The following AK2 variants were observed in gnomAD, a reference collection of about 807,000 sequenced individuals.
AK2 encodes the protein adenylate kinase 2, mitochondrial.
AK2 carries 15 observed loss-of-function variants against 24.6 expected under a neutral mutation model. The ratio of observed to expected loss-of-function variants is 0.61; its 90% CI spans 0.41 to 0.94. The LOEUF (loss-of-function observed/expected upper bound fraction) is 0.94. Ranked by LOEUF, AK2 falls within the 40% of genes least tolerant of loss-of-function variation. AK2 has a pLI of 0.00. For synonymous variants in AK2, 102 were observed against 114.0 expected (o/e 0.90, Z 0.67); for missense variants, 257 against 304.1 (o/e 0.85, Z 1.15).
chr1:33,026,355 G>A (rs1246968837), intron 1 of AK2, among the ~76,000 whole-genome samples: 6 of 152,160 alleles, frequency 3.9e-5, no homozygotes, highest in Admixed American at 3.9e-4. Context: ...CAAGCCACGT[G>A]CCTGGCTAAT....
intron 1 of AK2, among the ~76,000 whole-genome samples, chr1:33,034,051 T>G (rs1249368387): frequency 6.6e-6 from 1 of 152,190 alleles, no homozygotes; most frequent in Non-Finnish European, 1.5e-5. Flanking sequence ...TTTTTGCATT[T>G]TTTTGTAGAG....
intron 4 of AK2, among the ~76,000 whole-genome samples, chr1:33,018,442 A>AC (rs1465004361): frequency 6.6e-6 from 1 of 151,992 alleles, no homozygotes. Flanking sequence ...GACAACAACA[A>AC]AAAAAAACAG....
intron 1 of AK2, among the ~76,000 whole-genome samples, chr1:33,029,033 C>T (rs1640079655): frequency 6.6e-6 from 1 of 152,160 alleles, no homozygotes; most frequent in African/African-American, 2.4e-5. Flanking sequence ...GTCTCGTTTT[C>T]TTTATCCATA....
chr1:33,020,224 C>CACACAT, intron 4 of AK2: 1 of 924,564 alleles, frequency 1.1e-6, no homozygotes, highest in Non-Finnish European at 1.6e-6. Flanking sequence ...CACACACACA[C>CACACAT]ACACAAAGTG....
intron 1 of AK2, among the ~76,000 whole-genome samples, chr1:33,025,407 A>G (rs1050302436): frequency 6.6e-6 from 1 of 152,164 alleles, no homozygotes; most frequent in Non-Finnish European, 1.5e-5. Context: ...CCCCAGGCAG[A>G]ACTGGGTTTT....
chr1:33,011,045 T>C lies in AK2; in HGVS notation c.*2136A>G, dbSNP rs373407265. The C allele has an allele frequency of 1.0e-6, 1 of 985,446 alleles. No individual in the cohort carries two copies. The highest frequency in any genetic ancestry group is 1.1e-4 in the East Asian group (1 of 8,814). The allele number at this position is 985,446 out of a possible 1,614,324, so 61.0% of individuals were successfully genotyped here. On this transcript the variant is annotated 3_prime_UTR_variant, in exon 6 of 6. Transcript: ENST00000672715. ...AACCATACTGAGAAGGGTATATGCATTCCCTATGAATCTTCCAGTTCTTAT... is the reference window on the plus strand; with the variant it reads ...AACCATACTGAGAAGGGTATATGCACTCCCTATGAATCTTCCAGTTCTTAT...
In AK2 at chr1:33,009,156, T is replaced by C. The variant is rs1347701769; in HGVS notation, c.*4025A>G. ...TGTCAGTGAAGACCCTGCCTCTCTC[T>C]GTAACAAGATGCCTAAAGAAGAATA... is the stretch of plus-strand genomic sequence containing the variant. On this transcript the variant is annotated 3_prime_UTR_variant, in exon 6 of 6. Coordinates refer to ENST00000672715, the MANE Select transcript of AK2 (RefSeq NM_001625.4). The C allele has an allele frequency of 2.2e-6, 1 of 452,380 alleles. No homozygotes were observed. 28.0% of individuals were successfully genotyped at this position (452,380 alleles called of 1,614,324 possible). A position where few individuals can be genotyped will look rare whatever the true frequency, so the allele number is the denominator to read the frequency against.
At chr1:33,025,188 CAAAAAAAA>C (rs386366656) in intron 1 of AK2, among the ~76,000 whole-genome samples, 2 of 68,404 alleles carry the variant, frequency 2.9e-5, no homozygotes, top group African/African-American at 6.2e-5. Flanking sequence ...GACTTCGTCT[CAAAAAAAA>C]AAAAAAAAAA....
rs141520723 is a variant in AK2 at position 33,020,707 on chromosome 1, T to A, written c.425+660A>T. Among the ~76,000 whole-genome samples the A allele has an allele frequency of 3.9e-3, 593 of 151,768 alleles. 6 individuals carry two copies. Among genetic ancestry groups the A allele is most frequent in the African/African-American group, 0.014 (568 of 41,328 alleles). On this transcript the variant is annotated intron_variant, in intron 4 of 5. Coordinates refer to ENST00000672715, the MANE Select transcript of AK2 (RefSeq NM_001625.4). The stretch of plus-strand genomic sequence containing the variant: ...TAAAACTACAAAAATTAGCTGGGCG[T>A]GGTGGTACATGCCTGTAGTCCGAGT...
intron 4 of AK2, chr1:33,019,786 T>C (rs753793412): frequency 2.8e-6 from 3 of 1,079,402 alleles, no homozygotes; most frequent in Non-Finnish European, 3.4e-6. Flanking sequence ...ATGATGGCCA[T>C]AGTATCATTT....
At position 33,010,757 on chromosome 1, in the gene AK2, C is replaced by T. The variant is rs773203273; in HGVS notation, c.*2424G>A. The T allele has an allele frequency of 3.7e-6, 6 of 1,614,304 alleles. No individual in the cohort carries two copies. The Admixed American group carries it at 8.3e-5, about 22-fold the overall frequency. On this transcript the variant is annotated 3_prime_UTR_variant, in exon 6 of 6. Transcript: ENST00000672715. Reference sequence around the variant, plus strand: ...TCACCCTGACCACCCTTCCCCTCTGCCCAGCACCTAAGAGCAGGGATCACG... The same window carrying T: ...TCACCCTGACCACCCTTCCCCTCTGTCCAGCACCTAAGAGCAGGGATCACG...
intron 1 of AK2, chr1:33,029,559 T>G (rs1215555793): frequency 6.6e-6 from 1 of 151,962 alleles, no homozygotes; most frequent in Non-Finnish European, 1.5e-5. Flanking sequence ...GACTCAGGCA[T>G]GCAGTACCAT....
At chr1:33,030,752 G>A (rs1380745980) in intron 1 of AK2, among the ~76,000 whole-genome samples, 1 of 152,190 alleles carries the variant, frequency 6.6e-6, no homozygotes, top group Non-Finnish European at 1.5e-5. Flanking sequence ...CAGGGGCTAA[G>A]TTGCCCAAGA....
At position 33,009,415 on chromosome 1, in the gene AK2, C is replaced by G. The variant is rs1332688352; in HGVS notation, c.*3766G>C. On this transcript the variant is annotated 3_prime_UTR_variant, in exon 6 of 6. Coordinates refer to ENST00000672715, the MANE Select transcript of AK2 (RefSeq NM_001625.4). ...AAAGATCTGGCTTAAGGATTAGAAG[C>G]ACTGGCTTTCTAGACTATGGACAAG... 2.2e-6 allele frequency: 1 copy of G among 454,112 alleles called. No individual in the cohort carries two copies. Among genetic ancestry groups the G allele is most frequent in the Admixed American group, 2.3e-5 (1 of 42,572 alleles). 28.1% of individuals were successfully genotyped at this position (454,112 alleles called of 1,614,324 possible).
chr1:33,011,566 G>A lies in AK2; in HGVS notation c.*1615C>T. 7.8e-7 allele frequency: 1 copy of A among 1,287,704 alleles called. No individual in the cohort carries two copies. Among genetic ancestry groups the A allele is most frequent in the Non-Finnish European group, 1.0e-6 (1 of 989,058 alleles). 79.8% of individuals were successfully genotyped at this position (1,287,704 alleles called of 1,614,324 possible). On this transcript the variant is annotated 3_prime_UTR_variant, in exon 6 of 6. Transcript: ENST00000672715. ...GCAGGAGAGCTCAGGTCAGGAGGCT[G>A]GGCACTTTAGAGTCCACTGAATCGA...
chr1:33,021,499 C>G, intron 3 of AK2, 38 bp from the exon 4 acceptor site: 1 of 1,608,270 alleles, frequency 6.2e-7, no homozygotes, highest in Non-Finnish European at 8.5e-7. Flanking sequence ...GCTACCAGAG[C>G]TTGGTTAGAC....
rs113423721 is a variant in AK2 at position 33,019,544 on chromosome 1, T to C, written c.425+1823A>G. ...GGAGCCTATGGAATAGCCGGAGACA[T>C]GTAACCTGGACATTTGAAAAGAAAA... On this transcript the variant is annotated intron_variant, in intron 4 of 5. Transcript: ENST00000672715. The C allele has an allele frequency of 4.7e-5, 42 of 898,686 alleles. No individual in the cohort carries two copies. In the African/African-American group the frequency reaches 6.1e-4, roughly 13 times the overall value. 55.7% of individuals were successfully genotyped at this position (898,686 alleles called of 1,614,324 possible). A position where few individuals can be genotyped will look rare whatever the true frequency, so the allele number is the denominator to read the frequency against.
rs1291796470 is a variant in AK2 at position 33,008,334 on chromosome 1, C to T, written c.*4847G>A. On this transcript the variant is annotated 3_prime_UTR_variant, in exon 6 of 6. Coordinates refer to ENST00000672715, the MANE Select transcript of AK2 (RefSeq NM_001625.4). ...TTGAAATCTGTCTTCTGACTCGTTG[C>T]TCTGTCTTCATCTGAGGAAAGACTT... 2.2e-6 allele frequency: 1 copy of T among 454,078 alleles called. No individual in the cohort carries two copies. Among genetic ancestry groups the T allele is most frequent in the Non-Finnish European group, 4.4e-6 (1 of 226,776 alleles). 28.1% of individuals were successfully genotyped at this position (454,078 alleles called of 1,614,324 possible).
Position 33,011,900 on chromosome 1 carries a change from G to GA in AK2, c.*1280dup. The GA allele has an allele frequency of 6.5e-7, 1 of 1,531,206 alleles. No homozygotes were observed. Among genetic ancestry groups the GA allele is most frequent in the Non-Finnish European group, 8.7e-7 (1 of 1,145,400 alleles). 94.9% of individuals were successfully genotyped at this position (1,531,206 alleles called of 1,614,324 possible). On this transcript the variant is annotated 3_prime_UTR_variant, in exon 6 of 6. Transcript: ENST00000672715. ...AATTAGGGGTGAAGGGTTGGATCTA[G>GA]AAAGGAGAGGGTTTGGGCTTAAAAA...
Sources: gnomAD v4.1 joint callset for allele counts (sites outside exome capture counted in the v4.1 genomes callset) on GRCh38, gnomAD v4.1.1 for gene constraint, MANE v1.5 for transcripts, NCBI Gene and HGNC (gene_info 2026-07-23, HGNC 2026-07-21) for gene names.